ZFX: variants seen among roughly 807,000 people sequenced by gnomAD.
The protein encoded by ZFX is zinc finger X-chromosomal protein.
For synonymous variants in ZFX, 196 were observed against 226.8 expected (o/e 0.86, Z 1.22); for missense variants, 362 against 628.3 (o/e 0.58, Z 4.53).
chrX:24,198,770 G>T (rs1443923088), intron 5 of ZFX, among the ~76,000 whole-genome samples: 1 of 111,090 alleles, frequency 9.0e-6, no homozygotes, highest in Non-Finnish European at 1.9e-5. Flanking sequence ...GAGGATTTGG[G>T]TTATAAGTAT....
At chrX:24,188,757 G>A (rs1196179464) in intron 5 of ZFX, among the ~76,000 whole-genome samples, 1 of 112,017 alleles carries the variant, frequency 8.9e-6, no homozygotes, top group Non-Finnish European at 1.9e-5. Context: ...AGGTAAGAGC[G>A]AATTCAGAAA....
chrX:24,203,490 G>A lies in ZFX; in HGVS notation c.647-3836G>A, dbSNP rs139924555. ...CTGTCTCTATATAGCGGGTCCCAGC[G>A]CTGCAGATTCTAATTCTGTAGAGCT... On this transcript the variant is annotated intron_variant, in intron 5 of 9. Coordinates refer to ENST00000304543, the MANE Select transcript of ZFX (RefSeq NM_003410.4). Among the ~76,000 whole-genome samples the A allele has an allele frequency of 5.3e-3, 594 of 112,314 alleles. 3 individuals carry two copies. Among genetic ancestry groups the A allele is most frequent in the African/African-American group, 0.017 (534 of 30,991 alleles).
At chrX:24,161,072 T>C (rs1933251498) in intron 3 of ZFX, among the ~76,000 whole-genome samples, 1 of 112,016 alleles carries the variant, frequency 8.9e-6, no homozygotes, top group Non-Finnish European at 1.9e-5. Flanking sequence ...TCAACTCTGT[T>C]TCTCTATACC....
chrX:24,205,956 T>A (rs1042079967), intron 5 of ZFX, among the ~76,000 whole-genome samples: 2 of 111,951 alleles, frequency 1.8e-5, no homozygotes, highest in Non-Finnish European at 1.9e-5. Flanking sequence ...TTTTTTTAAA[T>A]TTTTTTCCTC....
chrX:24,175,294 A>G (rs1935022774), intron 4 of ZFX: 1 of 112,100 alleles, frequency 8.9e-6, no homozygotes, highest in African/African-American at 3.2e-5. Flanking sequence ...GATTGATAAC[A>G]CTTAATGGTA....
Position 24,213,503 on chromosome X carries a change from C to A in ZFX, c.*2127C>A, listed in dbSNP as rs907773579. On this transcript the variant is annotated 3_prime_UTR_variant, in exon 10 of 10. Transcript: ENST00000304543. ...GAGTTATATTTTTAGGGTTAGAAATCAAAATATTTGGTGTTTGGCAAACCT... is the reference window on the plus strand; with the variant it reads ...GAGTTATATTTTTAGGGTTAGAAATAAAAATATTTGGTGTTTGGCAAACCT... 1.8e-5 allele frequency: 2 copies of A among 110,670 alleles called. No homozygotes were observed. Among genetic ancestry groups the A allele is most frequent in the African/African-American group, 6.6e-5 (2 of 30,289 alleles). The allele number at this position is 110,670 out of a possible 1,213,427, so 9.1% of individuals were successfully genotyped here.
intron 3 of ZFX, among the ~76,000 whole-genome samples, chrX:24,162,765 TCA>T (rs1933488100): frequency 9.0e-6 from 1 of 111,667 alleles, no homozygotes; most frequent in Non-Finnish European, 1.9e-5. Context: ...TTTAGTAGAT[TCA>T]GAGTTCTGTA....
rs1357783913 is a variant in ZFX at position 24,211,438 on chromosome X, CCAAT to C, written c.*65_*68del. On this transcript the variant is annotated 3_prime_UTR_variant, in exon 10 of 10. Coordinates refer to ENST00000304543, the MANE Select transcript of ZFX (RefSeq NM_003410.4). ...TTGAAGCAGAAAATTCATTTTAAAG[CCAAT>C]CAGTCTCATTCACATACAATACTGT... 4 of 1,110,000 alleles carry C rather than the reference CCAAT, an allele frequency of 3.6e-6. No homozygotes were observed. Among genetic ancestry groups the C allele is most frequent in the Non-Finnish European group, 4.9e-6 (4 of 813,982 alleles). 91.5% of individuals were successfully genotyped at this position (1,110,000 alleles called of 1,213,427 possible).
intron 3 of ZFX, among the ~76,000 whole-genome samples, chrX:24,167,931 G>A (rs1418629374): frequency 1.8e-5 from 2 of 111,785 alleles, no homozygotes; most frequent in African/African-American, 6.5e-5. Context: ...TGTTAGAGTG[G>A]TAGCAGTGAT....
At chrX:24,163,914 C>T (rs1399380561) in intron 3 of ZFX, among the ~76,000 whole-genome samples, 2 of 106,053 alleles carry the variant, frequency 1.9e-5, no homozygotes, top group African/African-American at 3.4e-5. Flanking sequence ...TTACATTTTC[C>T]GTCACTGTGC....
intron 5 of ZFX, among the ~76,000 whole-genome samples, chrX:24,188,376 A>G (rs1039320868): frequency 1.8e-5 from 2 of 110,544 alleles, no homozygotes; most frequent in African/African-American, 6.6e-5. Flanking sequence ...TTTGCTTTTC[A>G]AAGACAAGGA....
At chrX:24,210,045 G>A in intron 9 of ZFX, 148 bp from the exon 10 acceptor site, 3 of 776,837 alleles carry the variant, frequency 3.9e-6, no homozygotes, top group Non-Finnish European at 5.5e-6. Context: ...CTCTTGTGTT[G>A]AAAAACAGTA....
intron 5 of ZFX, among the ~76,000 whole-genome samples, chrX:24,182,890 C>T (rs1935797350): frequency 9.0e-6 from 1 of 111,158 alleles, no homozygotes; most frequent in African/African-American, 3.3e-5. Flanking sequence ...TTAGGTAAGT[C>T]CTGGAGAGGG....
intron 5 of ZFX, among the ~76,000 whole-genome samples, chrX:24,192,078 T>A (rs905007958): frequency 1.8e-5 from 2 of 112,049 alleles, no homozygotes; most frequent in Non-Finnish European, 3.8e-5. Flanking sequence ...ACAGTTTTTC[T>A]TTTGATTGGA....
At chrX:24,157,455 T>C (rs764974846) in intron 3 of ZFX, among the ~76,000 whole-genome samples, 2 of 112,390 alleles carry the variant, frequency 1.8e-5, no homozygotes, top group Non-Finnish European at 1.9e-5. Context: ...GCAGCAGTCA[T>C]GATGTAGTTA....
intron 3 of ZFX, among the ~76,000 whole-genome samples, chrX:24,168,436 C>G (rs184074324): frequency 8.9e-6 from 1 of 111,777 alleles, no homozygotes; most frequent in Admixed American, 9.5e-5. Context: ...ACAGAAGTAT[C>G]TAAGCATCAA....
At chrX:24,209,617 A>C (rs1937910473) in intron 9 of ZFX, among the ~76,000 whole-genome samples, 2 of 111,456 alleles carry the variant, frequency 1.8e-5, no homozygotes, top group African/African-American at 6.5e-5. Flanking sequence ...TCTCTTGCCC[A>C]GGCTGGAGTG....
intron 4 of ZFX, among the ~76,000 whole-genome samples, chrX:24,175,741 G>T (rs1935067739): frequency 9.0e-6 from 1 of 110,830 alleles, no homozygotes; most frequent in South Asian, 3.8e-4. Context: ...ACCATGCCCG[G>T]CTAATTTTTG....
chrX:24,180,575 G>T (rs1194341083), intron 5 of ZFX, among the ~76,000 whole-genome samples: 2 of 110,635 alleles, frequency 1.8e-5, no homozygotes, highest in African/African-American at 6.6e-5. Flanking sequence ...TAGAGAGGGG[G>T]TTTTGCCATG....
Sources: allele counts gnomAD v4.1 joint callset (sites outside exome capture counted in the v4.1 genomes callset), GRCh38; gene constraint gnomAD v4.1.1; transcripts MANE v1.5; gene names NCBI Gene and HGNC (gene_info 2026-07-23, HGNC 2026-07-21).